Variants in RARB observed in about 807,000 individuals in gnomAD.
RARB encodes HBV-activated protein.
RARB carries 17 observed loss-of-function variants against 51.9 expected under a neutral mutation model. The ratio of observed to expected loss-of-function variants is 0.33; its 90% confidence interval spans 0.22 to 0.49. The LOEUF is 0.49. RARB is among the 20% of genes least tolerant of loss of function. The pLI, the probability that RARB is intolerant of heterozygous loss-of-function variation, is 0.99. For synonymous variants in RARB, 215 were observed against 195.4 expected, an observed-to-expected ratio of 1.10 and a Z score of -0.84; for missense variants, 369 against 550.8, an observed-to-expected ratio of 0.67 and a Z score of 3.30.
chr3:25,597,374 G>T lies in RARB; in HGVS notation c.*758G>T, dbSNP rs1701885438. The stretch of plus-strand genomic sequence containing the variant: ...TTGTTAATGTCACTTTAAATTAAAA[G>T]TGGTTTATTACTTGTTTAATGACAT... On this transcript the variant is annotated 3_prime_UTR_variant, in exon 8 of 8. Coordinates refer to ENST00000330688, the MANE Select transcript of RARB (RefSeq NM_000965.5). 6.6e-6 allele frequency: 1 copy of T among 151,768 alleles called. No homozygotes were observed. The highest frequency in any genetic ancestry group is 6.6e-5 in the Admixed American group (1 of 15,172). 9.4% of individuals were successfully genotyped at this position (151,768 alleles called of 1,614,324 possible).
At chr3:25,157,350 T>TTTTGTGTGTGTG (rs780124802) in intron 4 of RARB, among the ~76,000 whole-genome samples, 1 of 145,000 alleles carries the variant, frequency 6.9e-6, no homozygotes, top group South Asian at 2.3e-4. Flanking sequence ...GTGTGTGTGT[T>TTTTGTGTGTGTG]TGTGTGTGTG....
chr3:25,038,343 G>GA (rs149414877), intron 2 of RARB, among the ~76,000 whole-genome samples: 3,270 of 151,958 alleles, frequency 0.022, 103 homozygotes, highest in African/African-American at 0.075. Flanking sequence ...ATTTAAAGAT[G>GA]AAAAAAATTG....
At chr3:24,955,997 A>G (rs141272722) in intron 2 of RARB, among the ~76,000 whole-genome samples, 14 of 152,246 alleles carry the variant, frequency 9.2e-5, no homozygotes, top group African/African-American at 3.4e-4. Context: ...GGGAGTCTTG[A>G]AACAGTTGCA....
intron 1 of RARB, among the ~76,000 whole-genome samples, chr3:24,840,736 TAA>T (rs1702410309): frequency 1.0e-5 from 1 of 99,400 alleles, no homozygotes; most frequent in Admixed American, 1.4e-4. Context: ...TAGGCATGAG[TAA>T]GAGTAAAAAA....
At chr3:25,322,708 A>G (rs761400861) in intron 5 of RARB, among the ~76,000 whole-genome samples, 19 of 152,224 alleles carry the variant, frequency 1.2e-4, no homozygotes, top group Non-Finnish European at 2.6e-4. Flanking sequence ...GTAATGGCCC[A>G]TAATTCAATG....
At chr3:25,251,323 T>C (rs539985166) in intron 5 of RARB, among the ~76,000 whole-genome samples, 1 of 152,292 alleles carries the variant, frequency 6.6e-6, no homozygotes, top group South Asian at 2.1e-4. Flanking sequence ...ATAATGCTGC[T>C]ATAAATATTT....
intron 1 of RARB, chr3:24,858,631 T>G (rs1702678119): frequency 6.6e-6 from 1 of 152,222 alleles, no homozygotes; most frequent in South Asian, 2.1e-4. Flanking sequence ...TTTTCTGCAT[T>G]GTGATGTTTA....
chr3:25,092,949 T>C (rs1419052358), intron 3 of RARB, among the ~76,000 whole-genome samples: 1 of 152,172 alleles, frequency 6.6e-6, no homozygotes, highest in Non-Finnish European at 1.5e-5. Context: ...TACAGAGGTA[T>C]AGTGAAAAAG....
intron 5 of RARB, among the ~76,000 whole-genome samples, chr3:25,353,288 A>C (rs776777311): frequency 6.6e-6 from 1 of 152,174 alleles, no homozygotes; most frequent in Non-Finnish European, 1.5e-5. Context: ...TCGTGGACAG[A>C]ACCTGCTGAA....
intron 2 of RARB, among the ~76,000 whole-genome samples, chr3:25,041,033 T>C (rs1698103586): frequency 1.3e-5 from 2 of 152,216 alleles, no homozygotes; most frequent in South Asian, 4.1e-4. Flanking sequence ...TACAAAAGTA[T>C]CTACTGAATG....
At chr3:25,555,935 G>A (rs1234056064) in intron 3 of RARB, among the ~76,000 whole-genome samples, 11 of 152,154 alleles carry the variant, frequency 7.2e-5, no homozygotes, top group African/African-American at 2.7e-4. Context: ...GAAGGGAAAA[G>A]GAAGGGCAAA....
At chr3:25,282,204 C>G (rs1703540898) in intron 5 of RARB, among the ~76,000 whole-genome samples, 1 of 152,194 alleles carries the variant, frequency 6.6e-6, no homozygotes, top group Non-Finnish European at 1.5e-5. Flanking sequence ...TCTACCACCT[C>G]TTCCCTCCGT....
At chr3:25,582,770 A>G (rs562735363) in intron 5 of RARB, among the ~76,000 whole-genome samples, 27 of 152,186 alleles carry the variant, frequency 1.8e-4, no homozygotes, top group Non-Finnish European at 3.8e-4. Context: ...GCCCCTTGGT[A>G]GAGTCAGTAG....
At chr3:25,209,278 T>C (rs1189795089) in intron 5 of RARB, among the ~76,000 whole-genome samples, 1 of 152,244 alleles carries the variant, frequency 6.6e-6, no homozygotes, top group Non-Finnish European at 1.5e-5. Context: ...TCCTCCTCTT[T>C]GTTGTTTCTG....
At chr3:25,448,982 G>A (rs1368741461) in intron 1 of RARB, among the ~76,000 whole-genome samples, 1 of 151,372 alleles carries the variant, frequency 6.6e-6, no homozygotes, top group Non-Finnish European at 1.5e-5. Flanking sequence ...AAAAGCTATT[G>A]CACAACCAAT....
At position 24,946,180 on chromosome 3, in the gene RARB, G is replaced by A. The variant is rs1695768943; in HGVS notation, c.-380+87428G>A. Among the ~76,000 whole-genome samples the A allele has an allele frequency of 2.0e-5, 3 of 150,858 alleles. No homozygotes were observed. The South Asian group carries it at 6.3e-4, about 32-fold the overall frequency. ...CTCGGGAGACTGAGGAAGGAGAATG[G>A]CGTGAACCTGGAGGCAGAGCTTGCA... On this transcript the variant is annotated intron_variant, in intron 2 of 11. Transcript: ENST00000383772.
intron 5 of RARB, among the ~76,000 whole-genome samples, chr3:25,325,568 GT>G (rs113613926): frequency 0.074 from 10,458 of 140,436 alleles, 413 homozygotes; most frequent in African/African-American, 0.1. Flanking sequence ...TTTTGTGGGG[GT>G]TTTTTTTTTA....
chr3:25,410,129 A>T (rs1707520197), intron 5 of RARB, among the ~76,000 whole-genome samples: 1 of 152,186 alleles, frequency 6.6e-6, no homozygotes, highest in Admixed American at 6.5e-5. Flanking sequence ...AGATTCCCTA[A>T]GTTCTGAAAA....
intron 4 of RARB, among the ~76,000 whole-genome samples, chr3:25,168,656 C>A (rs1438695699): frequency 6.6e-6 from 1 of 151,854 alleles, no homozygotes; most frequent in African/African-American, 2.4e-5. Flanking sequence ...ATGTAAAAAT[C>A]AATAGAATAA....
Sources: gnomAD v4.1 joint callset for allele counts (sites outside exome capture counted in the v4.1 genomes callset) on GRCh38, gnomAD v4.1.1 for gene constraint, MANE v1.5 for transcripts, NCBI Gene and HGNC (gene_info 2026-07-23, HGNC 2026-07-21) for gene names.